GC: variants seen among roughly 807,000 people sequenced by gnomAD.
GC encodes vitamin D-binding protein.
Under a neutral mutation model 56.7 loss-of-function variants are expected in GC, and 43 were observed. That is an observed-to-expected ratio of 0.76 (90% CI 0.59 to 0.98). GC has a LOEUF of 0.98. GC is among the 50% of genes least tolerant of loss of function. The pLI is 0.00. For synonymous variants in GC, 216 were observed against 202.7 expected, an observed-to-expected ratio of 1.07 and a Z score of -0.56; for missense variants, 529 against 545.9, an observed-to-expected ratio of 0.97 and a Z score of 0.31.
intron 1 of GC, among the ~76,000 whole-genome samples, chr4:71,774,188 T>G (rs1016841592): frequency 6.6e-6 from 1 of 152,068 alleles, no homozygotes; most frequent in African/African-American, 2.4e-5. Flanking sequence ...AGAAGTTAAC[T>G]GTACCTCTTA....
In GC at chr4:71,758,192, A is replaced by G. The variant is rs1421539618; in HGVS notation, c.702-21T>C. The stretch of plus-strand genomic sequence containing the variant: ...GATTGCTAAACAGTTAAAAATAAAT[A>G]TGTTAGCTTATCAACATTCTCAGTT... On this transcript the variant is annotated intron_variant, in intron 6 of 12. Transcript: ENST00000273951. 1.9e-6 allele frequency: 3 copies of G among 1,599,662 alleles called. No homozygotes were observed. In the East Asian group the frequency reaches 6.7e-5, roughly 36 times the overall value.
chr4:71,781,665 A>G (rs1158247108), intron 1 of GC, among the ~76,000 whole-genome samples: 1 of 151,822 alleles, frequency 6.6e-6, no homozygotes, highest in African/African-American at 2.4e-5. Flanking sequence ...TATTTCATCC[A>G]TTTCAGTCCT....
chr4:71,796,999 CTGCAGAACAGCAAATAT>C (rs1256189711), intron 1 of GC, among the ~76,000 whole-genome samples: 1 of 152,198 alleles, frequency 6.6e-6, no homozygotes, highest in Non-Finnish European at 1.5e-5. Flanking sequence ...CCAGTGGAGG[CTGCAGAACAGCAAATAT>C]TGCAGAACAG....
chr4:71,755,479 A>T (rs1392761356), intron 8 of GC, among the ~76,000 whole-genome samples: 1 of 152,126 alleles, frequency 6.6e-6, no homozygotes, highest in African/African-American at 2.4e-5. Context: ...TTAAAATGTG[A>T]AATATCTATC....
chr4:71,783,560 A>G (rs2149306901), intron 1 of GC, among the ~76,000 whole-genome samples: 1 of 151,914 alleles, frequency 6.6e-6, no homozygotes, highest in South Asian at 2.1e-4. Flanking sequence ...TTGGCATGGT[A>G]TATTACACTC....
intron 2 of GC, 150 bp downstream of exon 2, chr4:71,769,181 G>A: frequency 5.1e-6 from 3 of 586,884 alleles, no homozygotes; most frequent in Non-Finnish European, 3.0e-6. Context: ...TAATTTGCTT[G>A]ACTCCTGTGC....
chr4:71,794,196 T>C (rs990238661), intron 1 of GC, among the ~76,000 whole-genome samples: 1 of 152,204 alleles, frequency 6.6e-6, no homozygotes, highest in Non-Finnish European at 1.5e-5. Context: ...GAATTCCCTC[T>C]TTTTCTATTG....
At chr4:71,757,961 A>G (rs1741839143) in intron 7 of GC, 81 bp downstream of exon 7, 17 of 1,144,946 alleles carry the variant, frequency 1.5e-5, no homozygotes, top group Non-Finnish European at 2.1e-5. Flanking sequence ...TATGAAATAG[A>G]ACTTAGAAGA....
intron 6 of GC, among the ~76,000 whole-genome samples, chr4:71,762,073 G>A (rs558469110): frequency 6.6e-6 from 1 of 152,186 alleles, no homozygotes; most frequent in Admixed American, 6.5e-5. Flanking sequence ...CTTGCACTGT[G>A]CACCTGGAAA....
At chr4:71,778,891 G>GTTATTGTTGTTA (rs71213587) in intron 1 of GC, among the ~76,000 whole-genome samples, 6 of 143,318 alleles carry the variant, frequency 4.2e-5, no homozygotes, top group Non-Finnish European at 6.1e-5. Context: ...ATTGCTGTCA[G>GTTATTGTTGTTA]TTATTATTAT....
upstream of GC, among the ~76,000 whole-genome samples, chr4:71,788,426 A>C (rs1196333874): frequency 6.6e-6 from 1 of 151,930 alleles, no homozygotes; most frequent in African/African-American, 2.4e-5. Context: ...TTTTAAAATA[A>C]AAATTTGAGG....
At chr4:71,772,983 A>T (rs1742388398) in intron 1 of GC, among the ~76,000 whole-genome samples, 1 of 152,124 alleles carries the variant, frequency 6.6e-6, no homozygotes. Flanking sequence ...TTGCAATGTG[A>T]TTATTACTAA....
At chr4:71,791,530 G>T (rs947261176) in intron 1 of GC, among the ~76,000 whole-genome samples, 1 of 151,958 alleles carries the variant, frequency 6.6e-6, no homozygotes, top group Non-Finnish European at 1.5e-5. Context: ...CGTAAACCTC[G>T]ACAGTACTGA....
intron 1 of GC, among the ~76,000 whole-genome samples, chr4:71,778,247 T>A (rs1368820241): frequency 6.6e-6 from 1 of 151,968 alleles, no homozygotes; most frequent in Non-Finnish European, 1.5e-5. Flanking sequence ...AATTCATATG[T>A]GATTTCATTT....
intron 12 of GC, among the ~76,000 whole-genome samples, chr4:71,744,305 C>A (rs1323685805): frequency 1.6e-3 from 215 of 137,934 alleles, no homozygotes; most frequent in African/African-American, 5.0e-3. Flanking sequence ...AAAAAAAAAC[C>A]CAAATTAGCT....
rs759292818 is a variant in GC, at chr4:71,754,479, A to T, written c.1194T>A (p.Ser398=). 2 of 1,582,738 alleles carry T rather than the reference A, an allele frequency of 1.3e-6. No individual in the cohort carries two copies. Among genetic ancestry groups the T allele is most frequent in the Middle Eastern group, 1.7e-4 (1 of 6,010 alleles). ...ATAGTTCTTGTCCCTTGTCAATGAA[A>T]GAAGATAGTTCCTTCTTTAGTAGAG... ...KGPLLKKELS[S]FIDKGQELCA... The change falls in exon 10 of 13, where the codon TCT becomes TCA. Residue 398 remains serine, a synonymous_variant. Transcript: ENST00000273951.
upstream of GC, chr4:71,785,943 G>C (rs1225745748): frequency 1.3e-5 from 2 of 151,660 alleles, no homozygotes; most frequent in African/African-American, 4.8e-5. Flanking sequence ...TTATTCAACT[G>C]TATTTCGTCA....
upstream of GC, among the ~76,000 whole-genome samples, chr4:71,785,241 A>C (rs911438941): frequency 2.6e-5 from 4 of 151,716 alleles, no homozygotes; most frequent in African/African-American, 9.7e-5. Flanking sequence ...ACATGGATTA[A>C]TGTCACCTAT....
Position 71,756,705 on chromosome 4 carries a change from T to C in GC, c.1034+7A>G. Reference sequence around the variant, plus strand: ...TGGGAAAACGTTTTCACATCACCTCTACTTACTTATCCATGACTTTGGTGT... The same window carrying C: ...TGGGAAAACGTTTTCACATCACCTCCACTTACTTATCCATGACTTTGGTGT... On this transcript the variant is annotated splice_region_variant and intron_variant, in intron 8 of 12. Coordinates refer to ENST00000273951, the MANE Select transcript of GC (RefSeq NM_000583.4). The C allele has an allele frequency of 6.3e-7, 1 of 1,597,032 alleles. No individual in the cohort carries two copies. The highest frequency in any genetic ancestry group is 8.6e-7 in the Non-Finnish European group (1 of 1,164,514).
Sources: gnomAD v4.1 joint callset for allele counts (sites outside exome capture counted in the v4.1 genomes callset) on GRCh38, gnomAD v4.1.1 for gene constraint, MANE v1.5 for transcripts, NCBI Gene and HGNC (gene_info 2026-07-23, HGNC 2026-07-21) for gene names.